The following OR11A1 variants were observed in gnomAD, a reference collection of about 807,000 sequenced individuals.
OR11A1 encodes the protein olfactory receptor 11A1.
For missense variants in OR11A1, 380 were observed against 378.2 expected (o/e 1.00, Z -0.04); for synonymous variants, 158 against 152.2 (o/e 1.04, Z -0.28).
At chr6:29,443,600 AAG>A (rs150305618) in intron 1 of OR11A1, among the ~76,000 whole-genome samples, 7,708 of 152,214 alleles carry the variant, frequency 0.051, 377 homozygotes, top group African/African-American at 0.12. Context: ...TCATAGAATG[AAG>A]GTTCTATGAA....
intron 1 of OR11A1, among the ~76,000 whole-genome samples, chr6:29,433,345 C>T (rs1351241824): frequency 6.6e-6 from 1 of 152,158 alleles, no homozygotes; most frequent in Non-Finnish European, 1.5e-5. Flanking sequence ...TTCTCCCTTT[C>T]TTCCAGCCCC....
intron 1 of OR11A1, among the ~76,000 whole-genome samples, chr6:29,446,571 A>T (rs1272983543): frequency 6.6e-6 from 1 of 152,210 alleles, no homozygotes; most frequent in African/African-American, 2.4e-5. Context: ...AGAATGATAG[A>T]TATATTTATT....
chr6:29,429,690 G>A (rs545524001), intron 3 of OR11A1, among the ~76,000 whole-genome samples: 2 of 152,310 alleles, frequency 1.3e-5, no homozygotes, highest in African/African-American at 2.4e-5. Flanking sequence ...AACATTGGAT[G>A]TGAGGAGGAG....
Position 29,440,671 on chromosome 6 carries a change from G to A in OR11A1, c.-388-8684C>T, listed in dbSNP as rs74711365. 84 of 1,614,090 alleles carry A rather than the reference G, an allele frequency of 5.2e-5. No homozygotes were observed. The highest frequency in any genetic ancestry group is 6.7e-5 in the Non-Finnish European group (79 of 1,180,006). Reference sequence around the variant, plus strand: ...GGCCTCATCCTGGGCTCCTACGGGCGTATCCTCGTTACCATCTTCCGGATC... The same window carrying A: ...GGCCTCATCCTGGGCTCCTACGGGCATATCCTCGTTACCATCTTCCGGATC... On this transcript the variant is annotated intron_variant, in intron 1 of 4. Coordinates refer to ENST00000377149, the MANE Select transcript of OR11A1 (RefSeq NM_001394828.1).
intron 1 of OR11A1, among the ~76,000 whole-genome samples, chr6:29,442,583 G>A (rs976862523): frequency 1.3e-4 from 20 of 152,168 alleles, no homozygotes; most frequent in Non-Finnish European, 1.5e-5. Flanking sequence ...TGTTAAGAAA[G>A]CACTGATTCT....
chr6:29,444,317 ACCT>A (rs539909086), intron 1 of OR11A1, among the ~76,000 whole-genome samples: 1 of 151,978 alleles, frequency 6.6e-6, no homozygotes, highest in Non-Finnish European at 1.5e-5. Flanking sequence ...AGTCCAATAA[ACCT>A]CTTTGTTTTG....
chr6:29,426,358 A>G lies in OR11A1; in HGVS notation c.*336T>C, dbSNP rs1454149789. On this transcript the variant is annotated 3_prime_UTR_variant, in exon 5 of 5. Coordinates refer to ENST00000377149, the MANE Select transcript of OR11A1 (RefSeq NM_001394828.1). ...ACATATGGATACATAGAGGGGAACA[A>G]CACACTGAATCCTACTTGAGGGTGG... 2 of 253,832 alleles carry G rather than the reference A, an allele frequency of 7.9e-6. No individual in the cohort carries two copies. The highest frequency in any genetic ancestry group is 4.8e-5 in the Admixed American group (1 of 20,736). 15.7% of individuals were successfully genotyped at this position (253,832 alleles called of 1,614,324 possible).
chr6:29,443,309 C>T (rs6913659), intron 1 of OR11A1, among the ~76,000 whole-genome samples: 7,715 of 152,208 alleles, frequency 0.051, 380 homozygotes, highest in African/African-American at 0.12. Flanking sequence ...TCCCAAGCAA[C>T]CTCTGATCTG....
intron 1 of OR11A1, among the ~76,000 whole-genome samples, chr6:29,451,180 T>A (rs1785335330): frequency 6.6e-6 from 1 of 152,192 alleles, no homozygotes; most frequent in African/African-American, 2.4e-5. Flanking sequence ...CCCTTTCCTT[T>A]CACCATATGC....
Position 29,445,070 on chromosome 6 carries a change from G to A in OR11A1, c.-389+11917C>T, listed in dbSNP as rs540975373. On this transcript the variant is annotated intron_variant, in intron 1 of 4. Coordinates refer to ENST00000377149, the MANE Select transcript of OR11A1 (RefSeq NM_001394828.1). ...TGCCCAGGCTAGAGTGCAGTGGCAC[G>A]ATCTTGGCTCACTGCAACCTCTGCC... is the stretch of plus-strand genomic sequence containing the variant. 4.6e-5 allele frequency among the ~76,000 whole-genome samples: 7 copies of A among 152,180 alleles called. No homozygotes were observed. The East Asian group carries it at 1.2e-3, about 25-fold the overall frequency.
At chr6:29,439,772 T>A (rs906548667) in intron 1 of OR11A1, 2 of 562,460 alleles carry the variant, frequency 3.6e-6, no homozygotes, top group East Asian at 2.9e-5. Flanking sequence ...CAGGAAGAGA[T>A]GAAGTCAGGG....
At position 29,425,758 on chromosome 6, in the gene OR11A1, G is replaced by A. The variant is rs1464125918; in HGVS notation, c.*936C>T. 2 of 152,154 alleles carry A rather than the reference G, an allele frequency of 1.3e-5. No individual in the cohort carries two copies. Among genetic ancestry groups the A allele is most frequent in the African/African-American group, 2.4e-5 (1 of 41,452 alleles). 9.4% of individuals were successfully genotyped at this position (152,154 alleles called of 1,614,324 possible). ...CACTGTGCTCTTCTCTTTTATGTAT[G>A]TTTGAAATGTTCTACAAGAAAAGAA... On this transcript the variant is annotated 3_prime_UTR_variant, in exon 5 of 5. Coordinates refer to ENST00000377149, the MANE Select transcript of OR11A1 (RefSeq NM_001394828.1).
chr6:29,432,148 C>T (rs554144860), intron 1 of OR11A1, 161 bp from the exon 2 acceptor site: 1 of 306,478 alleles, frequency 3.3e-6, no homozygotes, highest in South Asian at 1.3e-4. Flanking sequence ...AGGAAATTGC[C>T]ACAAAGGGAG....
chr6:29,455,064 C>T (rs1785911598), intron 1 of OR11A1, among the ~76,000 whole-genome samples: 1 of 151,950 alleles, frequency 6.6e-6, no homozygotes, highest in Admixed American at 6.6e-5. Flanking sequence ...TTAAAAGCTT[C>T]TAAAGAAGAA....
At chr6:29,456,073 T>C (rs1017872718) in intron 1 of OR11A1, among the ~76,000 whole-genome samples, 1 of 151,214 alleles carries the variant, frequency 6.6e-6, no homozygotes, top group Non-Finnish European at 1.5e-5. Context: ...CTACTAAATA[T>C]ACAATAATTA....
intron 1 of OR11A1, among the ~76,000 whole-genome samples, chr6:29,433,925 T>C (rs1351863741): frequency 6.6e-6 from 1 of 152,196 alleles, no homozygotes; most frequent in Non-Finnish European, 1.5e-5. Flanking sequence ...TGACTAGTGA[T>C]GTTGAGCATT....
rs555910453 is a variant in OR11A1, at chr6:29,425,958, C to T, written c.*736G>A. The stretch of plus-strand genomic sequence containing the variant: ...GAATAACAAATCATGTTTAGCCATA[C>T]GATGAAGCCCAGAAGAATAAAGAAA... On this transcript the variant is annotated 3_prime_UTR_variant, in exon 5 of 5. Transcript: ENST00000377149. 2.6e-5 allele frequency: 4 copies of T among 152,102 alleles called. 1 individual carries two copies. The highest frequency in any genetic ancestry group is 4.8e-5 in the African/African-American group (2 of 41,494). The allele number at this position is 152,102 out of a possible 1,614,324, so 9.4% of individuals were successfully genotyped here.
intron 1 of OR11A1, among the ~76,000 whole-genome samples, chr6:29,455,874 CAAAAAA>C (rs9256960): frequency 1.9e-4 from 15 of 81,014 alleles, no homozygotes; most frequent in African/African-American, 6.2e-4. Context: ...AGACTTGTCT[CAAAAAA>C]AAAAAAAAAA....
At chr6:29,454,959 AT>A (rs1341336024) in intron 1 of OR11A1, among the ~76,000 whole-genome samples, 1 of 152,182 alleles carries the variant, frequency 6.6e-6, no homozygotes, top group African/African-American at 2.4e-5. Flanking sequence ...TTTTCATAAT[AT>A]TTTATTATAT....
Sources: gnomAD v4.1 joint callset for allele counts (sites outside exome capture counted in the v4.1 genomes callset) on GRCh38, gnomAD v4.1.1 for gene constraint, MANE v1.5 for transcripts, NCBI Gene and HGNC (gene_info 2026-07-23, HGNC 2026-07-21) for gene names.